Variants in FHIP1A observed in about 807,000 individuals in gnomAD.
FHIP1A encodes the protein FHF complex subunit HOOK interacting protein 1A.
FHIP1A carries 61 observed loss-of-function variants against 88.6 expected under a neutral mutation model. The ratio of observed to expected loss-of-function variants is 0.69; its 90% CI spans 0.56 to 0.85. The LOEUF (loss-of-function observed/expected upper bound fraction) is 0.85, where lower values mean the gene tolerates loss of function less well. Among genes scored for constraint, FHIP1A ranks in the 40% least tolerant of loss-of-function variants. The probability of loss-of-function intolerance (pLI) is 0.00; values close to 1 mark genes in which losing one functional copy is unlikely to be tolerated. For synonymous variants in FHIP1A, 478 were observed against 496.0 expected (o/e 0.96, Z 0.48); for missense variants, 1,154 against 1,273.5 (o/e 0.91, Z 1.43).
chr4:151,591,862 A>G (rs1454881624), intron 7 of FHIP1A, among the ~76,000 whole-genome samples: 9 of 152,086 alleles, frequency 5.9e-5, no homozygotes, highest in Non-Finnish European at 1.2e-4. Flanking sequence ...TCTTTAGTCT[A>G]TCATTGATGG....
At chr4:151,606,861 T>C (rs1185395427) in intron 7 of FHIP1A, among the ~76,000 whole-genome samples, 1 of 152,196 alleles carries the variant, frequency 6.6e-6, no homozygotes, top group South Asian at 2.1e-4. Context: ...TGTGCCCACC[T>C]CAGCCCACAG....
At chr4:151,461,580 C>T (rs1177526944) in intron 2 of FHIP1A, among the ~76,000 whole-genome samples, 2 of 152,176 alleles carry the variant, frequency 1.3e-5, no homozygotes, top group African/African-American at 2.4e-5. Context: ...TGTATCAAAA[C>T]ATCGCTAGGT....
At chr4:151,613,748 C>G (rs1735410926) in intron 7 of FHIP1A, among the ~76,000 whole-genome samples, 1 of 152,106 alleles carries the variant, frequency 6.6e-6, no homozygotes, top group African/African-American at 2.4e-5. Flanking sequence ...TGGCACTAGA[C>G]CTGGAGATAA....
intron 1 of FHIP1A, among the ~76,000 whole-genome samples, chr4:151,446,384 G>A (rs1038352771): frequency 6.6e-6 from 1 of 151,498 alleles, no homozygotes; most frequent in Admixed American, 6.6e-5. Context: ...TAGATTGGTG[G>A]ATGTGCCTTA....
At chr4:151,491,512 C>T (rs1287779300) in intron 3 of FHIP1A, among the ~76,000 whole-genome samples, 1 of 151,934 alleles carries the variant, frequency 6.6e-6, no homozygotes, top group Admixed American at 6.6e-5. Context: ...CGCAAAACCT[C>T]AACATACACC....
At chr4:151,614,361 C>T (rs112082368) in intron 7 of FHIP1A, among the ~76,000 whole-genome samples, 5 of 150,912 alleles carry the variant, frequency 3.3e-5, no homozygotes, top group African/African-American at 1.2e-4. Flanking sequence ...CCCAGCTACT[C>T]GGGAGGCTGA....
intron 8 of FHIP1A, among the ~76,000 whole-genome samples, chr4:151,633,274 C>A (rs918833198): frequency 9.2e-5 from 14 of 151,856 alleles, no homozygotes; most frequent in Admixed American, 8.5e-4. Context: ...AAAAAAAAAT[C>A]TGAACAGACT....
chr4:151,454,096 A>G (rs1302025008), intron 1 of FHIP1A, among the ~76,000 whole-genome samples: 5 of 152,182 alleles, frequency 3.3e-5, no homozygotes, highest in African/African-American at 9.6e-5. Context: ...TACATTTCCT[A>G]GAAGTGATAT....
At chr4:151,626,404 T>TCAGTTTAG (rs1735953096) in intron 7 of FHIP1A, among the ~76,000 whole-genome samples, 1 of 152,330 alleles carries the variant, frequency 6.6e-6, no homozygotes, top group South Asian at 2.1e-4. Context: ...TAAACGGGAC[T>TCAGTTTAG]CAGTAGCAGT....
rs189931393 is a variant in FHIP1A at position 151,485,627 on chromosome 4, G to A, written c.-123+2979G>A. Among the ~76,000 whole-genome samples, 394 of 148,266 alleles carry A rather than the reference G, an allele frequency of 2.7e-3. 2 individuals are homozygous for A. Among genetic ancestry groups the A allele is most frequent in the African/African-American group, 9.5e-3 (382 of 40,122 alleles). On this transcript the variant is annotated intron_variant, in intron 3 of 13. Transcript: ENST00000435205. The stretch of plus-strand genomic sequence containing the variant: ...TTTTTTTGAGACAAATCCTCACTCT[G>A]GTTGCCCAGACTAGAGTGCAGTGGC...
intron 1 of FHIP1A, among the ~76,000 whole-genome samples, chr4:151,429,883 A>C (rs981878790): frequency 1.1e-4 from 16 of 149,326 alleles, no homozygotes; most frequent in Non-Finnish European, 1.8e-4. Context: ...CAGTTTGATG[A>C]TTCTCTTCAT....
At chr4:151,418,194 A>AC (rs1026927142) in intron 1 of FHIP1A, among the ~76,000 whole-genome samples, 2 of 151,246 alleles carry the variant, frequency 1.3e-5, no homozygotes, top group African/African-American at 4.9e-5. Flanking sequence ...AAAAAAAAAA[A>AC]ACAAGAGAAA....
In FHIP1A at chr4:151,577,650, C is replaced by T. The variant is rs557634784; in HGVS notation, c.306C>T (p.Phe102=). 8.4e-6 allele frequency: 13 copies of T among 1,551,646 alleles called. No individual in the cohort carries two copies. The African/African-American group carries it at 1.1e-4, about 13-fold the overall frequency. The change falls in exon 5 of 14, where the codon TTC becomes TTT. Residue 102 remains phenylalanine, a synonymous_variant. Transcript: ENST00000435205. ...CTGAGAACATCATGGAGAAACTTTT[C>T]CTTTGGAGCTTGAGAAGGGAGTTTA... ...VVSENIMEKL[F]LWSLRREFTD...
intron 8 of FHIP1A, among the ~76,000 whole-genome samples, chr4:151,633,937 G>T (rs1254903019): frequency 6.6e-6 from 1 of 151,812 alleles, no homozygotes; most frequent in Non-Finnish European, 1.5e-5. Context: ...GAGCAATTAG[G>T]CAAGAGAAAG....
chr4:151,446,332 T>C (rs553549378), intron 1 of FHIP1A, among the ~76,000 whole-genome samples: 9 of 152,216 alleles, frequency 5.9e-5, no homozygotes, highest in Non-Finnish European at 1.3e-4. Flanking sequence ...ATGCTTTCTC[T>C]TCTATAAATT....
In FHIP1A at chr4:151,665,379, C is replaced by A. The variant is rs962333684; in HGVS notation, c.*2625C>A. 6.6e-6 allele frequency among the ~76,000 whole-genome samples: 1 copy of A among 152,156 alleles called. No individual in the cohort carries two copies. Among genetic ancestry groups the A allele is most frequent in the Non-Finnish European group, 1.5e-5 (1 of 68,028 alleles). On this transcript the variant is annotated 3_prime_UTR_variant, in exon 14 of 14. Coordinates refer to ENST00000435205, the MANE Select transcript of FHIP1A (RefSeq NM_001109977.3). ...CTGGGGTGCTGGCAGCAAACTCACACGATAACACTAACTTCCTATTTGGAT... is the reference window on the plus strand; with the variant it reads ...CTGGGGTGCTGGCAGCAAACTCACAAGATAACACTAACTTCCTATTTGGAT...
chr4:151,575,634 G>T (rs760565067), intron 4 of FHIP1A, among the ~76,000 whole-genome samples: 9 of 152,124 alleles, frequency 5.9e-5, no homozygotes, highest in Non-Finnish European at 5.9e-5. Context: ...GGGTGTTAGG[G>T]TGATTTTTTT....
chr4:151,542,139 G>C (rs573727797), intron 3 of FHIP1A, among the ~76,000 whole-genome samples: 1 of 152,042 alleles, frequency 6.6e-6, no homozygotes, highest in African/African-American at 2.4e-5. Flanking sequence ...CCTTCAAAGT[G>C]TGTGTGTGGC....
intron 3 of FHIP1A, among the ~76,000 whole-genome samples, chr4:151,533,654 T>C (rs888764939): frequency 6.6e-6 from 1 of 152,214 alleles, no homozygotes; most frequent in Non-Finnish European, 1.5e-5. Context: ...TAGGGTTTTT[T>C]AACTATCATT....
Sources: allele counts gnomAD v4.1 joint callset (sites outside exome capture counted in the v4.1 genomes callset), GRCh38; gene constraint gnomAD v4.1.1; transcripts MANE v1.5; gene names NCBI Gene and HGNC (gene_info 2026-07-23, HGNC 2026-07-21).